NRG3: variants seen among roughly 807,000 people sequenced by gnomAD.
NRG3 encodes the protein neuregulin 3.
In NRG3, 31 loss-of-function variants were observed where a neutral mutation model predicts 66.9. The ratio of observed to expected loss-of-function variants is 0.46; its 90% CI spans 0.35 to 0.63. NRG3 has a LOEUF of 0.63. NRG3 is among the 20% of genes least tolerant of loss of function. The pLI, the probability that NRG3 is intolerant of heterozygous loss-of-function variation, is 0.00. For synonymous variants in NRG3, 393 were observed against 359.4 expected, an observed-to-expected ratio of 1.09 and a Z score of -1.06; for missense variants, 910 against 878.9, an observed-to-expected ratio of 1.04 and a Z score of -0.45.
chr10:82,627,005 T>A (rs1343555846), intron 2 of NRG3, among the ~76,000 whole-genome samples: 1 of 140,458 alleles, frequency 7.1e-6, no homozygotes, highest in African/African-American at 2.6e-5. Flanking sequence ...ATTTAGCTAT[T>A]TTTTTTTTTA....
intron 4 of NRG3, among the ~76,000 whole-genome samples, chr10:82,924,408 A>T (rs1846773527): frequency 6.6e-6 from 1 of 152,136 alleles, no homozygotes; most frequent in African/African-American, 2.4e-5. Context: ...GAATTGGCTC[A>T]TCAGTTTGTG....
chr10:82,942,804 T>C (rs1165166894), intron 4 of NRG3, among the ~76,000 whole-genome samples: 2 of 152,154 alleles, frequency 1.3e-5, no homozygotes, highest in East Asian at 3.9e-4. Context: ...GAAGAAATAC[T>C]ACACACTTCC....
chr10:82,055,837 G>A (rs1313415453), intron 1 of NRG3, among the ~76,000 whole-genome samples: 1 of 152,194 alleles, frequency 6.6e-6, no homozygotes, highest in African/African-American at 2.4e-5. Flanking sequence ...TGGAGATAAA[G>A]GCAGGTTTAT....
At chr10:81,979,530 G>C (rs1466715355) in intron 1 of NRG3, among the ~76,000 whole-genome samples, 3 of 152,096 alleles carry the variant, frequency 2.0e-5, no homozygotes, top group South Asian at 4.1e-4. Flanking sequence ...TTTTTGTTTA[G>C]ATTGTCCCAC....
At chr10:82,579,662 A>C (rs894536880) in intron 2 of NRG3, among the ~76,000 whole-genome samples, 1 of 151,976 alleles carries the variant, frequency 6.6e-6, no homozygotes, top group Non-Finnish European at 1.5e-5. Context: ...TCACAGGTTA[A>C]CTTCTTGCTT....
intron 1 of NRG3, among the ~76,000 whole-genome samples, chr10:81,934,896 T>C (rs1305623356): frequency 1.3e-5 from 2 of 152,206 alleles, no homozygotes; most frequent in East Asian, 3.8e-4. Context: ...TATGACAACA[T>C]GCTATTCCTA....
chr10:82,848,810 A>G lies in NRG3; in HGVS notation c.1028-16601A>G, dbSNP rs574997390. 5.9e-5 allele frequency among the ~76,000 whole-genome samples: 9 copies of G among 152,274 alleles called. No homozygotes were observed. The East Asian group carries it at 1.7e-3, about 29-fold the overall frequency. Reference sequence around the variant, plus strand: ...CTCATGATAGTGAATAAGTCTCACGAGATCTGAGGGTTTTATAAAGGGTGG... The same window carrying G: ...CTCATGATAGTGAATAAGTCTCACGGGATCTGAGGGTTTTATAAAGGGTGG... On this transcript the variant is annotated intron_variant, in intron 3 of 8. Coordinates refer to ENST00000372141, the MANE Select transcript of NRG3 (RefSeq NM_001010848.4).
chr10:82,220,774 C>A (rs532565244), intron 1 of NRG3, among the ~76,000 whole-genome samples: 1 of 152,214 alleles, frequency 6.6e-6, no homozygotes, highest in East Asian at 1.9e-4. Context: ...ACTAGGGAGA[C>A]AGAGGCAAGA....
intron 1 of NRG3, among the ~76,000 whole-genome samples, chr10:82,163,921 A>ATTTTT (rs202076612): frequency 7.0e-6 from 1 of 142,650 alleles, no homozygotes. Context: ...TCTCTCTTAA[A>ATTTTT]ATTTTTTTTT....
chr10:82,488,021 G>A (rs1363900353), intron 2 of NRG3, among the ~76,000 whole-genome samples: 9 of 152,102 alleles, frequency 5.9e-5, no homozygotes, highest in Non-Finnish European at 1.3e-4. Flanking sequence ...TGTTTTTCAA[G>A]GCTATTGAAA....
intron 1 of NRG3, among the ~76,000 whole-genome samples, chr10:82,214,275 G>T (rs1054071537): frequency 1.3e-5 from 2 of 152,076 alleles, no homozygotes; most frequent in Admixed American, 1.3e-4. Context: ...AAGCTGAGGG[G>T]TTTATGGTCA....
intron 3 of NRG3, among the ~76,000 whole-genome samples, chr10:82,745,727 T>TGCAA (rs2058614159): frequency 1.3e-5 from 2 of 152,254 alleles, no homozygotes; most frequent in African/African-American, 4.8e-5. Context: ...CAATCATGTA[T>TGCAA]GCAAACACAT....
At chr10:82,186,492 A>G (rs1036567066) in intron 1 of NRG3, among the ~76,000 whole-genome samples, 1 of 152,174 alleles carries the variant, frequency 6.6e-6, no homozygotes, top group Admixed American at 6.6e-5. Context: ...AATGCCTCAG[A>G]ATTTTAACCT....
intron 3 of NRG3, among the ~76,000 whole-genome samples, chr10:82,839,253 G>A (rs758677145): frequency 6.6e-5 from 10 of 152,098 alleles, no homozygotes; most frequent in African/African-American, 2.2e-4. Flanking sequence ...TTCTTAAAAT[G>A]GTTATAGGAT....
intron 1 of NRG3, among the ~76,000 whole-genome samples, chr10:82,061,733 C>G (rs2064150308): frequency 6.6e-6 from 1 of 151,966 alleles, no homozygotes; most frequent in Non-Finnish European, 1.5e-5. Context: ...CCCTCTTCTC[C>G]CATTTCTGGA....
intron 1 of NRG3, among the ~76,000 whole-genome samples, chr10:82,072,203 T>C (rs1479773369): frequency 6.6e-6 from 1 of 152,242 alleles, no homozygotes; most frequent in Non-Finnish European, 1.5e-5. Flanking sequence ...AATGTATGAT[T>C]ATATTTTGAA....
chr10:82,062,260 G>T (rs138735989), intron 1 of NRG3, among the ~76,000 whole-genome samples: 21 of 152,248 alleles, frequency 1.4e-4, no homozygotes, highest in African/African-American at 4.8e-4. Context: ...TCCTCTGGAT[G>T]CCAGAGGGGA....
rs533867730 is a variant in NRG3 at position 82,639,758 on chromosome 10, C to A, written c.954-98819C>A. Among the ~76,000 whole-genome samples, 3 of 151,810 alleles carry A rather than the reference C, an allele frequency of 2.0e-5. No homozygotes were observed. In the East Asian group the frequency reaches 5.8e-4, roughly 29 times the overall value. On this transcript the variant is annotated intron_variant, in intron 2 of 8. Coordinates refer to ENST00000372141, the MANE Select transcript of NRG3 (RefSeq NM_001010848.4). ...ATTTCTTGGTAATGGCTGAAAGAGC[C>A]CTGATTATTTTTTTAATTTGACTTT...
At chr10:82,281,362 G>A (rs1169189348) in intron 1 of NRG3, among the ~76,000 whole-genome samples, 1 of 152,106 alleles carries the variant, frequency 6.6e-6, no homozygotes, top group Non-Finnish European at 1.5e-5. Flanking sequence ...GAACTTACTA[G>A]AACAACAGGA....
Sources: gnomAD v4.1 joint callset for allele counts (sites outside exome capture counted in the v4.1 genomes callset) on GRCh38, gnomAD v4.1.1 for gene constraint, MANE v1.5 for transcripts, NCBI Gene and HGNC (gene_info 2026-07-23, HGNC 2026-07-21) for gene names.